NBPF15: variants seen among roughly 807,000 people sequenced by gnomAD.
NBPF15 encodes NBPF member 15, also known as NBPF family member NBPF15.
A neutral mutation model predicts 62.2 loss-of-function variants in NBPF15; 74 were observed. That is an observed-to-expected ratio of 1.19 (90% CI 0.99 to 1.44). The LOEUF is 1.44. Among genes scored for constraint, NBPF15 ranks in the 40% most tolerant of loss-of-function variants. The probability of loss-of-function intolerance (pLI) is 0.00; values close to 1 mark genes in which losing one functional copy is unlikely to be tolerated. For missense variants in NBPF15, 790 were observed against 550.0 expected (o/e 1.44, Z -4.36); for synonymous variants, 244 against 209.7 (o/e 1.16, Z -1.41).
intron 10 of NBPF15, among the ~76,000 whole-genome samples, chr1:144,436,179 C>T (rs1553541132): frequency 2.0e-5 from 3 of 152,068 alleles, no homozygotes; most frequent in Admixed American, 6.6e-5. Context: ...CAGGCACAGG[C>T]TTGGTGTCCC....
chr1:144,448,052 C>T (rs1688826377), intron 6 of NBPF15, among the ~76,000 whole-genome samples: 1 of 152,042 alleles, frequency 6.6e-6, no homozygotes, highest in Non-Finnish European at 1.5e-5. Flanking sequence ...GCTTCTTCAC[C>T]TTTTCAATAA....
intron 6 of NBPF15, chr1:144,442,457 G>A (rs1684219031): frequency 6.8e-6 from 1 of 147,254 alleles, no homozygotes; most frequent in Admixed American, 6.9e-5. Flanking sequence ...GTGGCGGAGC[G>A]AGGGCTACTG....
intron 6 of NBPF15, among the ~76,000 whole-genome samples, chr1:144,440,870 T>C (rs1284762244): frequency 6.6e-6 from 1 of 151,368 alleles, no homozygotes; most frequent in African/African-American, 2.4e-5. Flanking sequence ...GGGGTTTCAC[T>C]GTGTTAGCCA....
intron 10 of NBPF15, among the ~76,000 whole-genome samples, chr1:144,436,323 G>A (rs1479411642): frequency 6.6e-6 from 1 of 151,916 alleles, no homozygotes; most frequent in Non-Finnish European, 1.5e-5. Flanking sequence ...TCTATCCATG[G>A]GGAGTGCTCC....
intron 20 of NBPF15, 130 bp downstream of exon 20, chr1:144,424,560 T>A: frequency 3.2e-6 from 2 of 634,592 alleles, no homozygotes; most frequent in South Asian, 3.9e-5. Flanking sequence ...TCATTCAACC[T>A]ACATGTGCCT....
At chr1:144,456,203 A>C (rs1182377268) in intron 4 of NBPF15, among the ~76,000 whole-genome samples, 1 of 147,284 alleles carries the variant, frequency 6.8e-6, no homozygotes, top group Non-Finnish European at 1.5e-5. Flanking sequence ...GCAGGGTGGA[A>C]ACAAGAGACG....
rs781958856 is a variant in NBPF15 at position 144,423,284 on chromosome 1, C to G, written c.1770-28G>C. On this transcript the variant is annotated intron_variant, in intron 21 of 21. Coordinates refer to ENST00000581897, the MANE Select transcript of NBPF15 (RefSeq NM_001385408.1). ...GGAAAAGGAGACAAAACTAAAGAAG[C>G]AGCCAGGGAAAATCAGACACCACAG... 1.7e-5 allele frequency: 28 copies of G among 1,611,090 alleles called. 2 individuals are homozygous for G. Among genetic ancestry groups the G allele is most frequent in the Admixed American group, 5.0e-5 (3 of 59,906 alleles).
chr1:144,437,265 T>C (rs1352136460), intron 9 of NBPF15, among the ~76,000 whole-genome samples, 156 bp from the exon 10 acceptor site: 2 of 151,508 alleles, frequency 1.3e-5, no homozygotes, highest in African/African-American at 2.4e-5. Context: ...AGAGAAAGAA[T>C]AGAAAATGGT....
chr1:144,440,009 C>A lies in NBPF15; in HGVS notation c.-6G>T, dbSNP rs1418182066. 6 of 1,606,744 alleles carry A rather than the reference C, an allele frequency of 3.7e-6. No individual in the cohort carries two copies. In the African/African-American group the frequency reaches 4.0e-5, roughly 11 times the overall value. On this transcript the variant is annotated 5_prime_UTR_variant, in exon 8 of 22. Coordinates refer to ENST00000581897, the MANE Select transcript of NBPF15 (RefSeq NM_001385408.1). The stretch of plus-strand genomic sequence containing the variant: ...GGGCCGGCTGATACCACCATGCTGA[C>A]GTTTGTGGCAGAAGAGGTGGAGTCA...
intron 6 of NBPF15, among the ~76,000 whole-genome samples, chr1:144,444,807 C>G (rs1447865777): frequency 6.6e-6 from 1 of 151,932 alleles, no homozygotes; most frequent in African/African-American, 2.4e-5. Flanking sequence ...TGTTACTGAG[C>G]CACGAGAAAT....
At chr1:144,426,600 G>A in intron 17 of NBPF15, 150 bp from the exon 18 acceptor site, 1 of 703,574 alleles carries the variant, frequency 1.4e-6, no homozygotes, top group Non-Finnish European at 2.6e-6. Flanking sequence ...TTTATGTTGG[G>A]ATAGACCAGG....
At chr1:144,427,214 C>T (rs1670379286) in intron 16 of NBPF15, 116 bp from the exon 17 acceptor site, 1 of 672,940 alleles carries the variant, frequency 1.5e-6, no homozygotes, top group Admixed American at 2.2e-5. Context: ...GAATAGGACA[C>T]TGTGAGAGAT....
chr1:144,437,830 G>A (rs1478985544), intron 9 of NBPF15, 115 bp downstream of exon 9: 20 of 1,414,120 alleles, frequency 1.4e-5, no homozygotes, highest in Non-Finnish European at 1.9e-5. Flanking sequence ...AGCCTGCCAT[G>A]GCAATTCCTG....
intron 4 of NBPF15, among the ~76,000 whole-genome samples, chr1:144,455,729 C>T (rs1456481337): frequency 1.3e-4 from 20 of 150,546 alleles, no homozygotes; most frequent in East Asian, 3.9e-4. Context: ...TGGACGGCCA[C>T]GTGAGAAGGA....
Position 144,451,359 on chromosome 1 carries a change from T to G in NBPF15, c.-431-489A>C, listed in dbSNP as rs587641212. On this transcript the variant is annotated intron_variant, in intron 4 of 21. Transcript: ENST00000581897. The stretch of plus-strand genomic sequence containing the variant: ...ACCGAGACATTCCATTGCCCAGGGA[T>G]GAGCAGGAGACAGATGCCTTCCTCT... Among the ~76,000 whole-genome samples, 36 of 151,168 alleles carry G rather than the reference T, an allele frequency of 2.4e-4. 1 individual carries two copies. Among genetic ancestry groups the G allele is most frequent in the African/African-American group, 7.8e-4 (32 of 41,172 alleles).
chr1:144,450,766 C>G lies in NBPF15; in HGVS notation c.-333+6G>C. ...GAAAGAACTACAGTAAAAATATTGCCCTCACCTTTATGTGGCTGTTCCAGA... is the reference window on the plus strand; with the variant it reads ...GAAAGAACTACAGTAAAAATATTGCGCTCACCTTTATGTGGCTGTTCCAGA... On this transcript the variant is annotated splice_donor_region_variant and intron_variant, in intron 5 of 21. Transcript: ENST00000581897. The G allele has an allele frequency of 1.5e-6, 1 of 682,330 alleles. No individual in the cohort carries two copies. The highest frequency in any genetic ancestry group is 1.3e-4 in the East Asian group (1 of 7,458). The allele number at this position is 682,330 out of a possible 1,614,324, so 42.3% of individuals were successfully genotyped here. A position where few individuals can be genotyped will look rare whatever the true frequency, so the allele number is the denominator to read the frequency against.
intron 20 of NBPF15, 102 bp from the exon 21 acceptor site, chr1:144,424,077 A>G (rs1202195673): frequency 1.8e-5 from 14 of 757,876 alleles, no homozygotes; most frequent in Non-Finnish European, 3.1e-5. Flanking sequence ...GCTCCTCAGC[A>G]TAAGAATACG....
At chr1:144,429,652 C>A in intron 14 of NBPF15, 48 bp downstream of exon 14, 1 of 602,716 alleles carries the variant, frequency 1.7e-6, no homozygotes, top group Non-Finnish European at 2.9e-6. Context: ...ATGGGGTCTA[C>A]CTGGGCCATG....
intron 6 of NBPF15, among the ~76,000 whole-genome samples, chr1:144,445,252 T>G (rs1285370003): frequency 1.8e-4 from 22 of 123,710 alleles, no homozygotes; most frequent in East Asian, 1.7e-3. Context: ...GTGTGTGTGT[T>G]TGTGTGTGTC....
Sources: allele counts gnomAD v4.1 joint callset (sites outside exome capture counted in the v4.1 genomes callset), GRCh38; gene constraint gnomAD v4.1.1; transcripts MANE v1.5; gene names NCBI Gene and HGNC (gene_info 2026-07-23, HGNC 2026-07-21).